Variants in GALNT18 observed in about 807,000 individuals in gnomAD.
The protein encoded by GALNT18 is polypeptide N-acetylgalactosaminyltransferase 18, also known as GalNAc-transferase 18.
Under a neutral mutation model 69.5 loss-of-function variants are expected in GALNT18, and 44 were observed. The observed-to-expected ratio is 0.63, with a 90% CI of 0.50 to 0.81. The LOEUF (loss-of-function observed/expected upper bound fraction) is 0.81, where lower values mean the gene tolerates loss of function less well. Ranked by LOEUF, GALNT18 falls within the 40% of genes least tolerant of loss-of-function variation. GALNT18 has a pLI of 0.00. For synonymous variants in GALNT18, 364 were observed against 318.2 expected (o/e 1.14, Z -1.53); for missense variants, 715 against 810.0 (o/e 0.88, Z 1.42).
chr11:11,526,540 G>A (rs1857530077), intron 1 of GALNT18, among the ~76,000 whole-genome samples: 1 of 151,834 alleles, frequency 6.6e-6, no homozygotes, highest in Non-Finnish European at 1.5e-5. Flanking sequence ...TAAAAATATA[G>A]TGTATTTGTC....
chr11:11,540,415 G>A lies in GALNT18; in HGVS notation c.235+80944C>T, dbSNP rs962963029. ...GGTTTGTTTTGTCCATACCCACACC[G>A]TGTGTACTGAAGGGCTGGCAGAGCT... On this transcript the variant is annotated intron_variant, in intron 1 of 10. Transcript: ENST00000227756. This position sits in a 1 kb window ranked among gnomAD's most constrained non-coding sequence, Gnocchi z 4.6. Among the ~76,000 whole-genome samples, 23 of 152,128 alleles carry A rather than the reference G, an allele frequency of 1.5e-4. No homozygotes were observed. The highest frequency in any genetic ancestry group is 3.2e-3 in the Middle Eastern group (1 of 316).
Position 11,469,597 on chromosome 11 carries a change from G to A in GALNT18, c.236-20661C>T, listed in dbSNP as rs1446413140. On this transcript the variant is annotated intron_variant, in intron 1 of 10. Transcript: ENST00000227756. The surrounding 1 kb of genome is among the most constrained non-coding windows in gnomAD (Gnocchi z 4.2). ...GTTTGATCCATGAGGGCCATTTAGG[G>A]CTGCTCACATAGGCTGTGAGCTCTC... 6.6e-6 allele frequency among the ~76,000 whole-genome samples: 1 copy of A among 152,178 alleles called. No individual in the cohort carries two copies. The highest frequency in any genetic ancestry group is 2.4e-5 in the African/African-American group (1 of 41,436).
At chr11:11,275,226 T>C (rs11825848) in intron 10 of GALNT18, among the ~76,000 whole-genome samples, 2,719 of 152,382 alleles carry the variant, frequency 0.018, 99 homozygotes, top group African/African-American at 0.061. Flanking sequence ...GACTTTTTAA[T>C]GATCGCCATT....
At chr11:11,455,632 G>T (rs915891454) in intron 1 of GALNT18, among the ~76,000 whole-genome samples, 1 of 152,114 alleles carries the variant, frequency 6.6e-6, no homozygotes, top group Admixed American at 6.5e-5. Context: ...AGCATCCAGA[G>T]CCTCAGCAGG....
rs1482945524 is a variant in GALNT18, at chr11:11,613,229, T to G, written c.235+8130A>C. On this transcript the variant is annotated intron_variant, in intron 1 of 10. Transcript: ENST00000227756. This position sits in a 1 kb window ranked among gnomAD's most constrained non-coding sequence, Gnocchi z 4.2. ...GGAATCCTCTTGCTTAAAGTTCCAG[T>G]TGGCTGCACTGGAACTACAGGGGAT... Among the ~76,000 whole-genome samples, 1 of 152,182 alleles carries G rather than the reference T, an allele frequency of 6.6e-6. No individual in the cohort carries two copies. The highest frequency in any genetic ancestry group is 2.4e-5 in the African/African-American group (1 of 41,428).
At chr11:11,355,343 C>T (rs1331957181) in intron 6 of GALNT18, among the ~76,000 whole-genome samples, 6 of 152,176 alleles carry the variant, frequency 3.9e-5, no homozygotes, top group African/African-American at 7.2e-5. Flanking sequence ...CCCCCTTCCT[C>T]AAATTCATAT....
chr11:11,304,741 C>T lies in GALNT18; in HGVS notation c.1513-11548G>A, dbSNP rs781775251. Among the ~76,000 whole-genome samples, 153 of 152,308 alleles carry T rather than the reference C, an allele frequency of 1.0e-3. 1 individual carries two copies. The highest frequency in any genetic ancestry group is 2.6e-4 in the Non-Finnish European group (18 of 68,026). Reference sequence around the variant, plus strand: ...AGATCATTAATGCCAGACATGGCCACGTTTCTAGCTGGAACGTGAGCGGGA... The same window carrying T: ...AGATCATTAATGCCAGACATGGCCATGTTTCTAGCTGGAACGTGAGCGGGA... On this transcript the variant is annotated intron_variant, in intron 9 of 10. Coordinates refer to ENST00000227756, the MANE Select transcript of GALNT18 (RefSeq NM_198516.3).
chr11:11,332,048 C>T lies in GALNT18; in HGVS notation c.1416+646G>A, dbSNP rs1016990220. On this transcript the variant is annotated intron_variant, in intron 8 of 10. Transcript: ENST00000227756. The surrounding 1 kb of genome is among the most constrained non-coding windows in gnomAD (Gnocchi z 4.3). ...CTACGGGGATAGTATTGAATTACCC[C>T]CATTTAACAGGTGAAGAAACTGAGG... is the stretch of plus-strand genomic sequence containing the variant. 2.0e-5 allele frequency among the ~76,000 whole-genome samples: 3 copies of T among 151,964 alleles called. No individual in the cohort carries two copies. The highest frequency in any genetic ancestry group is 2.4e-5 in the African/African-American group (1 of 41,356).
At chr11:11,594,928 T>C (rs1214707225) in intron 1 of GALNT18, among the ~76,000 whole-genome samples, 2 of 148,654 alleles carry the variant, frequency 1.3e-5, no homozygotes, top group African/African-American at 4.9e-5. Context: ...TGTGTGTATA[T>C]ATATATATAA....
intron 1 of GALNT18, among the ~76,000 whole-genome samples, chr11:11,608,903 A>G (rs568957428): frequency 6.6e-6 from 1 of 152,144 alleles, no homozygotes; most frequent in African/African-American, 2.4e-5. Flanking sequence ...TCATTCTTCA[A>G]AGATGTGTCA....
intron 9 of GALNT18, among the ~76,000 whole-genome samples, chr11:11,322,751 T>G (rs1008339085): frequency 6.6e-6 from 1 of 152,222 alleles, no homozygotes; most frequent in African/African-American, 2.4e-5. Flanking sequence ...ATTAGTTGGC[T>G]CAGGCTGTCA....
At chr11:11,316,360 A>G (rs1160993530) in intron 9 of GALNT18, among the ~76,000 whole-genome samples, 1 of 152,208 alleles carries the variant, frequency 6.6e-6, no homozygotes, top group East Asian at 1.9e-4. Context: ...CACACAAAGG[A>G]AAACTTCTGC....
intron 5 of GALNT18, among the ~76,000 whole-genome samples, chr11:11,375,862 G>A (rs1455544574): frequency 1.3e-5 from 2 of 152,202 alleles, no homozygotes; most frequent in African/African-American, 2.4e-5. Context: ...TTTTAAGTAT[G>A]AGTATACATT....
At chr11:11,322,897 T>C (rs992651928) in intron 9 of GALNT18, among the ~76,000 whole-genome samples, 2 of 152,204 alleles carry the variant, frequency 1.3e-5, no homozygotes, top group East Asian at 3.9e-4. Context: ...AGACAGCTGC[T>C]GTATCACTGT....
chr11:11,450,939 C>T (rs763252946), intron 1 of GALNT18, among the ~76,000 whole-genome samples: 4 of 152,128 alleles, frequency 2.6e-5, no homozygotes, highest in Admixed American at 6.5e-5. Context: ...CTATGCTATA[C>T]AGCCTCTATA....
At chr11:11,609,742 G>A (rs919679183) in intron 1 of GALNT18, among the ~76,000 whole-genome samples, 1 of 152,120 alleles carries the variant, frequency 6.6e-6, no homozygotes, top group Non-Finnish European at 1.5e-5. Flanking sequence ...GCCAGCCTTG[G>A]TGTCCACCTC....
In GALNT18 at chr11:11,463,845, G is replaced by A. The variant is rs1234589416; in HGVS notation, c.236-14909C>T. ...AGATGTGAAACCTTTATGCTGTCTC[G>A]ACGCTCTGTATTATGAATGCAGTAT... On this transcript the variant is annotated intron_variant, in intron 1 of 10. Coordinates refer to ENST00000227756, the MANE Select transcript of GALNT18 (RefSeq NM_198516.3). The surrounding 1 kb of genome is among the most constrained non-coding windows in gnomAD (Gnocchi z 4.2). 1.1e-4 allele frequency among the ~76,000 whole-genome samples: 17 copies of A among 152,154 alleles called. No individual in the cohort carries two copies. Among genetic ancestry groups the A allele is most frequent in the Admixed American group, 8.5e-4 (13 of 15,278 alleles).
rs776750539 is a variant in GALNT18, at chr11:11,604,812, C to G, written c.235+16547G>C. On this transcript the variant is annotated intron_variant, in intron 1 of 10. Coordinates refer to ENST00000227756, the MANE Select transcript of GALNT18 (RefSeq NM_198516.3). This position sits in a 1 kb window ranked among gnomAD's most constrained non-coding sequence, Gnocchi z 5.6. ...ATGCAGGGAGGCATAATTAGTTTCC[C>G]GGCCCATAGCTTCATTCCACTGGTC... is the stretch of plus-strand genomic sequence containing the variant. 6.6e-6 allele frequency among the ~76,000 whole-genome samples: 1 copy of G among 152,086 alleles called. No homozygotes were observed. The highest frequency in any genetic ancestry group is 2.4e-5 in the African/African-American group (1 of 41,400).
At chr11:11,277,770 C>CT (rs1848981362) in intron 10 of GALNT18, among the ~76,000 whole-genome samples, 1 of 152,114 alleles carries the variant, frequency 6.6e-6, no homozygotes, top group African/African-American at 2.4e-5. Context: ...CCAGTAGTAA[C>CT]TTAGGAGCAA....
Sources: gnomAD v4.1 joint callset for allele counts (sites outside exome capture counted in the v4.1 genomes callset) on GRCh38, gnomAD v4.1.1 for gene constraint, Gnocchi (gnomAD v3.1) non-coding constraint, MANE v1.5 for transcripts, NCBI Gene and HGNC (gene_info 2026-07-23, HGNC 2026-07-21) for gene names.